ZNF160: variants seen among roughly 807,000 people sequenced by gnomAD.
ZNF160 encodes the protein KRAB zinc finger protein KR18.
A neutral mutation model predicts 13.1 loss-of-function variants in ZNF160; 9 were observed. The ratio of observed to expected loss-of-function variants is 0.69; its 90% confidence interval spans 0.41 to 1.20. The LOEUF is 1.20. Among genes scored for constraint, ZNF160 ranks in the 50% most tolerant of loss-of-function variants. The probability of loss-of-function intolerance (pLI) is 0.01; values close to 1 mark genes in which losing one functional copy is unlikely to be tolerated. For synonymous variants in ZNF160, 293 were observed against 333.2 expected, an observed-to-expected ratio of 0.88 and a Z score of 1.31; for missense variants, 838 against 988.0, an observed-to-expected ratio of 0.85 and a Z score of 2.04.
chr19:53,084,829 C>T (rs946616901), intron 3 of ZNF160: 1 of 152,226 alleles, frequency 6.6e-6, no homozygotes, highest in South Asian at 2.1e-4. Context: ...TAGAATCTTG[C>T]CAGATCTAGC....
intron 2 of ZNF160, among the ~76,000 whole-genome samples, chr19:53,087,836 G>A (rs912857964): frequency 3.9e-5 from 6 of 152,210 alleles, no homozygotes; most frequent in African/African-American, 1.4e-4. Context: ...ATAGGCATGA[G>A]CCACTGTGCC....
intron 5 of ZNF160, among the ~76,000 whole-genome samples, chr19:53,071,643 A>G (rs2084180718): frequency 6.6e-6 from 1 of 151,798 alleles, no homozygotes; most frequent in Non-Finnish European, 1.5e-5. Context: ...AGCCTTAGAG[A>G]CAGTGAGATG....
At position 53,073,350 on chromosome 19, in the gene ZNF160, C is replaced by T. The variant is rs772991191; in HGVS notation, c.271+790G>A. 3.1e-6 allele frequency: 5 copies of T among 1,597,998 alleles called. No homozygotes were observed. In the South Asian group the frequency reaches 5.5e-5, roughly 18 times the overall value. On this transcript the variant is annotated intron_variant, in intron 5 of 5. Transcript: ENST00000683776. The stretch of plus-strand genomic sequence containing the variant: ...CTGAGAACAATCTTAGAAGATAGAA[C>T]CCACTCGCTTATCACACACCCCCAT...
chr19:53,085,690 C>G, intron 3 of ZNF160: 1 of 250,016 alleles, frequency 4.0e-6, no homozygotes, highest in South Asian at 6.8e-5. Context: ...TTTATGTTGA[C>G]GTCATACATT....
intron 1 of ZNF160, among the ~76,000 whole-genome samples, chr19:53,096,036 G>GTA (rs2085221341): frequency 6.6e-6 from 1 of 152,126 alleles, no homozygotes; most frequent in African/African-American, 2.4e-5. Flanking sequence ...GACCAACATG[G>GTA]TAAAACCCTG....
At chr19:53,082,619 G>A (rs1206800081) in intron 3 of ZNF160, among the ~76,000 whole-genome samples, 1 of 152,212 alleles carries the variant, frequency 6.6e-6, no homozygotes, top group African/African-American at 2.4e-5. Context: ...GCAGTCAGCT[G>A]TGATCACACG....
intron 5 of ZNF160, among the ~76,000 whole-genome samples, chr19:53,071,219 T>C (rs1198664883): frequency 6.6e-6 from 1 of 150,998 alleles, no homozygotes; most frequent in Non-Finnish European, 1.5e-5. Context: ...AAAAATTAGT[T>C]TGGCATGCTG....
At chr19:53,088,896 G>A (rs1211743466) in intron 2 of ZNF160, among the ~76,000 whole-genome samples, 1 of 152,192 alleles carries the variant, frequency 6.6e-6, no homozygotes, top group East Asian at 1.9e-4. Flanking sequence ...CAGTCGCACA[G>A]GACTGCCCTC....
chr19:53,086,913 T>C (rs766932121), intron 2 of ZNF160, among the ~76,000 whole-genome samples: 5 of 152,148 alleles, frequency 3.3e-5, no homozygotes, highest in Non-Finnish European at 7.4e-5. Flanking sequence ...TGCTCTCCTG[T>C]TGGGGACTTG....
At chr19:53,097,686 T>C (rs2085288949) in intron 1 of ZNF160, among the ~76,000 whole-genome samples, 1 of 152,138 alleles carries the variant, frequency 6.6e-6, no homozygotes, top group African/African-American at 2.4e-5. Flanking sequence ...AAGGAAACAC[T>C]CCAAATGATC....
At chr19:53,081,058 A>T (rs1228404542) in intron 3 of ZNF160, among the ~76,000 whole-genome samples, 1 of 152,174 alleles carries the variant, frequency 6.6e-6, no homozygotes, top group African/African-American at 2.4e-5. Context: ...CTCACCATAT[A>T]AAAAAATTAA....
intron 3 of ZNF160, among the ~76,000 whole-genome samples, chr19:53,082,468 G>A (rs895878402): frequency 1.3e-5 from 2 of 152,140 alleles, no homozygotes; most frequent in African/African-American, 4.8e-5. Context: ...TACTGCTTGA[G>A]CTCAAGAGAC....
At chr19:53,073,029 A>G in intron 5 of ZNF160, 1 of 586,730 alleles carries the variant, frequency 1.7e-6, no homozygotes, top group South Asian at 5.1e-5. Flanking sequence ...TAGGTATACA[A>G]TATGGACTGA....
At chr19:53,084,776 G>A (rs1385284342) in intron 3 of ZNF160, among the ~76,000 whole-genome samples, 1 of 152,116 alleles carries the variant, frequency 6.6e-6, no homozygotes, top group Non-Finnish European at 1.5e-5. Flanking sequence ...GAAATCTGAC[G>A]TGGCATTGGT....
chr19:53,079,289 G>A (rs1172456558), intron 3 of ZNF160, among the ~76,000 whole-genome samples: 4 of 152,090 alleles, frequency 2.6e-5, no homozygotes, highest in East Asian at 1.9e-4. Context: ...GGTGGCTCAC[G>A]CCTGTAATCT....
chr19:53,082,863 C>T lies in ZNF160; in HGVS notation c.15+3399G>A, dbSNP rs2084685876. Among the ~76,000 whole-genome samples the T allele has an allele frequency of 1.1e-4, 16 of 139,282 alleles. No homozygotes were observed. In the South Asian group the frequency reaches 1.5e-3, roughly 13 times the overall value. The allele number at this position is 139,282 out of a possible 152,430, so 91.4% of individuals were successfully genotyped here. Reference sequence around the variant, plus strand: ...TCCCACTTCGGGCGCCAACAGCAAGCCCCAGGTTGTTTTTCCTGTGCTTTT... The same window carrying T: ...TCCCACTTCGGGCGCCAACAGCAAGTCCCAGGTTGTTTTTCCTGTGCTTTT... On this transcript the variant is annotated intron_variant, in intron 3 of 5. Coordinates refer to ENST00000683776, the MANE Select transcript of ZNF160 (RefSeq NM_001322131.2).
chr19:53,088,050 AGAGGT>A (rs1392365336), intron 2 of ZNF160, among the ~76,000 whole-genome samples: 1 of 152,226 alleles, frequency 6.6e-6, no homozygotes, highest in Non-Finnish European at 1.5e-5. Flanking sequence ...GGAGACAAGA[AGAGGT>A]GTAAGGACTG....
intron 3 of ZNF160, among the ~76,000 whole-genome samples, chr19:53,083,743 CA>C (rs1317169514): frequency 2.0e-5 from 3 of 151,980 alleles, no homozygotes; most frequent in African/African-American, 7.2e-5. Context: ...CTACAAAAAA[CA>C]AAAACATAAA....
chr19:53,102,495 G>T (rs2085482180), intron 1 of ZNF160, among the ~76,000 whole-genome samples: 1 of 152,140 alleles, frequency 6.6e-6, no homozygotes, highest in Admixed American at 6.5e-5. Context: ...TTATCTTGTT[G>T]TCCTGCATCT....
Sources: gnomAD v4.1 joint callset for allele counts (sites outside exome capture counted in the v4.1 genomes callset) on GRCh38, gnomAD v4.1.1 for gene constraint, MANE v1.5 for transcripts, NCBI Gene and HGNC (gene_info 2026-07-23, HGNC 2026-07-21) for gene names.